CFAP47: variants seen among roughly 807,000 people sequenced by gnomAD.
The protein encoded by CFAP47 is cilia and flagella associated protein 47.
Under a neutral mutation model 148.1 loss-of-function variants are expected in CFAP47, and 29 were observed. The observed-to-expected ratio is 0.20, with a 90% CI of 0.15 to 0.27. The LOEUF (loss-of-function observed/expected upper bound fraction) is 0.27, where lower values mean the gene tolerates loss of function less well. Ranked by LOEUF, CFAP47 falls within the 10% of genes least tolerant of loss-of-function variation. CFAP47 has a pLI of 1.00. For synonymous variants in CFAP47, 664 were observed against 577.3 expected, an observed-to-expected ratio of 1.15 and a Z score of -2.15; for missense variants, 1,872 against 1,697.5, an observed-to-expected ratio of 1.10 and a Z score of -1.81.
chrX:36,114,266 T>A (rs1938603309), intron 33 of CFAP47, among the ~76,000 whole-genome samples: 1 of 111,734 alleles, frequency 8.9e-6, no homozygotes, highest in African/African-American at 3.3e-5. Flanking sequence ...TTATTATGAG[T>A]CCTAGTTTCC....
At chrX:36,244,796 G>A (rs1555996751) in intron 48 of CFAP47, among the ~76,000 whole-genome samples, 1 of 110,772 alleles carries the variant, frequency 9.0e-6, no homozygotes, top group East Asian at 2.8e-4. Flanking sequence ...TTATATCACT[G>A]GTACCAATCC....
At chrX:36,074,704 T>C (rs1397458246) in intron 29 of CFAP47, among the ~76,000 whole-genome samples, 1 of 111,331 alleles carries the variant, frequency 9.0e-6, no homozygotes, top group Non-Finnish European at 1.9e-5. Flanking sequence ...ATCAAGATAA[T>C]GAACATATTC....
intron 35 of CFAP47, chrX:36,144,747 G>T: frequency 9.8e-7 from 1 of 1,024,691 alleles, no homozygotes; most frequent in Non-Finnish European, 1.3e-6. Flanking sequence ...TATTTTTGTC[G>T]TGATCTCTTT....
chrX:36,107,737 C>T (rs911238197), intron 33 of CFAP47, among the ~76,000 whole-genome samples: 1 of 111,708 alleles, frequency 9.0e-6, no homozygotes, highest in African/African-American at 3.2e-5. Context: ...TACATTCTCT[C>T]TTCTCCTCTG....
At chrX:36,224,930 T>C in intron 45 of CFAP47, among the ~76,000 whole-genome samples, 1 of 112,319 alleles carries the variant, frequency 8.9e-6, no homozygotes, top group South Asian at 3.6e-4. Context: ...ATAGTATATT[T>C]TTATGGGTTA....
chrX:36,080,808 A>T (rs1007688978), intron 29 of CFAP47, among the ~76,000 whole-genome samples: 4 of 111,531 alleles, frequency 3.6e-5, no homozygotes, highest in Non-Finnish European at 7.5e-5. Flanking sequence ...GAGGGATAGC[A>T]TTAGGAGAAA....
At chrX:36,278,001 G>A (rs1419268489) in intron 49 of CFAP47, among the ~76,000 whole-genome samples, 4 of 111,645 alleles carry the variant, frequency 3.6e-5, no homozygotes, top group Admixed American at 2.8e-4. Flanking sequence ...GGTGTCAATC[G>A]GCCCCTACTG....
intron 57 of CFAP47, among the ~76,000 whole-genome samples, chrX:36,320,448 T>C (rs900937638): frequency 1.8e-5 from 2 of 111,993 alleles, no homozygotes; most frequent in Admixed American, 1.9e-4. Context: ...ATTCATTTGC[T>C]ACAACTTCAA....
intron 48 of CFAP47, among the ~76,000 whole-genome samples, chrX:36,242,095 C>T (rs1429984183): frequency 1.8e-5 from 2 of 112,276 alleles, no homozygotes; most frequent in African/African-American, 6.5e-5. Flanking sequence ...CTAACATACA[C>T]CCCTGTGAAA....
At chrX:35,934,521 G>C (rs1935881470) in intron 2 of CFAP47, among the ~76,000 whole-genome samples, 1 of 110,319 alleles carries the variant, frequency 9.1e-6, no homozygotes, top group Non-Finnish European at 1.9e-5. Context: ...CCTGGAATCC[G>C]GGTCCCCAAA....
intron 42 of CFAP47, among the ~76,000 whole-genome samples, chrX:36,191,859 T>C (rs1002638847): frequency 9.0e-6 from 1 of 110,519 alleles, no homozygotes; most frequent in Non-Finnish European, 1.9e-5. Context: ...GGCACGCACC[T>C]GTAGTCCCAG....
At chrX:36,262,654 G>A (rs1410042600) in intron 49 of CFAP47, among the ~76,000 whole-genome samples, 1 of 111,649 alleles carries the variant, frequency 9.0e-6, no homozygotes, top group East Asian at 2.8e-4. Flanking sequence ...CTTAAATATT[G>A]TGAACAGTGC....
intron 7 of CFAP47, among the ~76,000 whole-genome samples, chrX:35,954,675 T>G (rs1208165789): frequency 8.9e-5 from 10 of 112,136 alleles, no homozygotes; most frequent in Non-Finnish European, 3.8e-5. Context: ...AAACTCTTTT[T>G]CTTTGGTTCT....
In CFAP47 at chrX:36,098,817, T is replaced by A; in HGVS notation, c.4941T>A (p.His1647Gln). The change falls in exon 31 of 64, where the codon CAT becomes CAA. Residue 1647 changes from histidine to glutamine, a missense_variant. Coordinates refer to ENST00000378653, the MANE Select transcript of CFAP47 (RefSeq NM_001304548.2). ...FLNAQGGCIS[H>Q]VLPEFLLEPE... ...GTGCTCAAGGAGGATGTATTTCACATGTCCTGCCAGAATTTTTGCTTGAAC... is the reference window on the plus strand; with the variant it reads ...GTGCTCAAGGAGGATGTATTTCACAAGTCCTGCCAGAATTTTTGCTTGAAC... 1 of 1,188,509 alleles carries A rather than the reference T, an allele frequency of 8.4e-7. No individual in the cohort carries two copies. The highest frequency in any genetic ancestry group is 1.1e-6 in the Non-Finnish European group (1 of 877,976).
intron 22 of CFAP47, among the ~76,000 whole-genome samples, chrX:36,019,101 T>A (rs187263828): frequency 2.6e-4 from 29 of 110,035 alleles, no homozygotes; most frequent in African/African-American, 9.3e-4. Flanking sequence ...TGTGGGGGGG[T>A]CTGTCCCTTG....
rs757849661 is a variant in CFAP47 at position 35,951,089 on chromosome X, A to G, written c.657-42A>G. The stretch of plus-strand genomic sequence containing the variant: ...AGAAAAACAAAGTATATAGAATTCT[A>G]ATTAAAATATGTATGTATGTGCATA... On this transcript the variant is annotated intron_variant, in intron 4 of 63. Coordinates refer to ENST00000378653, the MANE Select transcript of CFAP47 (RefSeq NM_001304548.2). 7.9e-5 allele frequency: 74 copies of G among 939,802 alleles called. No homozygotes were observed. In the East Asian group the frequency reaches 1.8e-3, roughly 22 times the overall value. The allele number at this position is 939,802 out of a possible 1,213,427, so 77.5% of individuals were successfully genotyped here.
At chrX:36,258,897 T>C (rs1940785760) in intron 49 of CFAP47, among the ~76,000 whole-genome samples, 1 of 111,874 alleles carries the variant, frequency 8.9e-6, no homozygotes, top group African/African-American at 3.3e-5. Context: ...AGTAAATAAA[T>C]ATTATTATTT....
intron 8 of CFAP47, among the ~76,000 whole-genome samples, chrX:35,960,351 T>C (rs1353392495): frequency 1.3e-5 from 1 of 77,519 alleles, no homozygotes; most frequent in African/African-American, 5.3e-5. Context: ...CAAATACATA[T>C]GAACTTTAAC....
At chrX:36,275,787 T>A (rs1191896943) in intron 49 of CFAP47, among the ~76,000 whole-genome samples, 1 of 110,833 alleles carries the variant, frequency 9.0e-6, no homozygotes, top group Non-Finnish European at 1.9e-5. Context: ...TCTTTAAATG[T>A]TTGGTAGAAT....
Sources: allele counts gnomAD v4.1 joint callset (sites outside exome capture counted in the v4.1 genomes callset), GRCh38; gene constraint gnomAD v4.1.1; transcripts MANE v1.5; gene names NCBI Gene and HGNC (gene_info 2026-07-23, HGNC 2026-07-21).